The following TUB variants were observed in gnomAD, a reference collection of about 807,000 sequenced individuals.
TUB encodes tubby protein homolog.
Under a neutral mutation model 59.7 loss-of-function variants are expected in TUB, and 33 were observed. The ratio of observed to expected loss-of-function variants is 0.55; its 90% confidence interval spans 0.42 to 0.74. The LOEUF (loss-of-function observed/expected upper bound fraction) is 0.74, where lower values mean the gene tolerates loss of function less well. Among genes scored for constraint, TUB ranks in the 30% least tolerant of loss-of-function variants. The pLI, the probability that TUB is intolerant of heterozygous loss-of-function variation, is 0.00. For synonymous variants in TUB, 293 were observed against 256.4 expected (o/e 1.14, Z -1.36); for missense variants, 659 against 672.0 (o/e 0.98, Z 0.21).
intron 2 of TUB, among the ~76,000 whole-genome samples, chr11:8,061,629 G>C (rs1019302726): frequency 3.9e-5 from 6 of 152,054 alleles, no homozygotes; most frequent in African/African-American, 1.2e-4. Context: ...TTGCTAGTTT[G>C]CTCTGTGCCC....
Position 8,046,581 on chromosome 11 carries a change from C to T in TUB, c.203+6889C>T, listed in dbSNP as rs75731427. 2.9e-3 allele frequency among the ~76,000 whole-genome samples: 438 copies of T among 152,294 alleles called. 1 individual carries two copies. The highest frequency in any genetic ancestry group is 0.01 in the African/African-American group (428 of 41,562). ...AATAAAATCCTTTCAATTTCATATTCTTTGTTAGGCCCAAATCTGTGCATC... is the reference window on the plus strand; with the variant it reads ...AATAAAATCCTTTCAATTTCATATTTTTTGTTAGGCCCAAATCTGTGCATC... On this transcript the variant is annotated intron_variant, in intron 2 of 12. Coordinates refer to the TUB transcript ENST00000305253.
At chr11:8,039,006 A>G (rs1942695068) in exon 1 of TUB, 2 of 1,613,494 alleles carry the variant, frequency 1.2e-6, no homozygotes, top group South Asian at 1.1e-5. Flanking sequence ...TGGGCCCCTG[A>G]AACGGGGCCA....
At chr11:8,030,795 GC>G (rs1226248516) in intron 1 of TUB, among the ~76,000 whole-genome samples, 3 of 152,160 alleles carry the variant, frequency 2.0e-5, no homozygotes, top group African/African-American at 7.2e-5. Context: ...CAGGATAACA[GC>G]AGCCTAGGAT....
chr11:8,097,630 G>C, intron 7 of TUB, 84 bp from the exon 8 acceptor site: 1 of 1,355,364 alleles, frequency 7.4e-7, no homozygotes. Context: ...CTGACGCAAC[G>C]GAGAGAGTCT....
chr11:8,038,085 C>T (rs987496808), upstream of TUB, among the ~76,000 whole-genome samples: 3 of 152,196 alleles, frequency 2.0e-5, no homozygotes, highest in African/African-American at 7.2e-5. Context: ...GATGGTGCCT[C>T]AAGGGGCTGA....
Position 8,090,204 on chromosome 11 carries a change from A to G in TUB, c.226A>G (p.Ser76Gly). Residue 76 changes from serine to glycine, a missense_variant, in exon 3 of 12, where the codon AGC (serine) becomes GGC (glycine). Physicochemically the swap from Ser to Gly is moderately conservative, Grantham distance 56 (BLOSUM62 0). Around this residue, in one of 3 missense-constraint regions of TUB, gnomAD observed 321 missense variants for 304.3 expected, o/e 1.05. Coordinates refer to ENST00000299506, the MANE Select transcript of TUB (RefSeq NM_177972.3). ...EQAPLVESYLSSSGSTSYQVQ... is the reference protein window; with the variant it reads ...EQAPLVESYLGSSGSTSYQVQ... ...AGCCCCCCTGGTGGAGTCCTACCTC[A>G]GCAGCAGTGGCAGCACCAGCTACCA... 4.3e-6 allele frequency: 7 copies of G among 1,613,772 alleles called. No homozygotes were observed. Among genetic ancestry groups the G allele is most frequent in the African/African-American group, 4.0e-5 (3 of 75,062 alleles).
At chr11:8,041,311 C>A (rs535366792) in intron 2 of TUB, among the ~76,000 whole-genome samples, 12 of 152,302 alleles carry the variant, frequency 7.9e-5, no homozygotes, top group African/African-American at 2.6e-4. Flanking sequence ...ATGGTGCCAG[C>A]AAGCATGATG....
At chr11:8,055,743 A>G (rs1331678632) in intron 2 of TUB, among the ~76,000 whole-genome samples, 1 of 152,198 alleles carries the variant, frequency 6.6e-6, no homozygotes, top group Admixed American at 6.5e-5. Flanking sequence ...AGCCAATGAC[A>G]GTGTGTGCCT....
At chr11:8,092,984 T>C (rs550973725) in intron 3 of TUB, among the ~76,000 whole-genome samples, 122 of 152,276 alleles carry the variant, frequency 8.0e-4, no homozygotes, top group South Asian at 2.1e-3. Flanking sequence ...TAAATATTTA[T>C]TGAGGTTTGT....
intron 3 of TUB, among the ~76,000 whole-genome samples, chr11:8,093,411 T>C (rs1329632374): frequency 6.6e-6 from 1 of 152,182 alleles, no homozygotes; most frequent in Non-Finnish European, 1.5e-5. Context: ...GAGAGAATGT[T>C]GGTCTTCAGC....
At chr11:8,044,240 C>T (rs1260785652) in intron 2 of TUB, among the ~76,000 whole-genome samples, 1 of 152,122 alleles carries the variant, frequency 6.6e-6, no homozygotes, top group East Asian at 1.9e-4. Context: ...CAGAGTTTTT[C>T]ATTTTTCAGT....
At chr11:8,039,387 G>C (rs1022685373) in intron 1 of TUB, 8 of 453,636 alleles carry the variant, frequency 1.8e-5, no homozygotes, top group Non-Finnish European at 3.1e-5. Flanking sequence ...CCACCCCCCA[G>C]TGCTTCATTC....
intron 2 of TUB, among the ~76,000 whole-genome samples, chr11:8,052,330 A>T (rs1428946118): frequency 6.6e-6 from 1 of 152,218 alleles, no homozygotes; most frequent in East Asian, 1.9e-4. Flanking sequence ...TTTATCAAGG[A>T]TGTTAATATA....
At chr11:8,055,604 C>A (rs1943007533) in intron 2 of TUB, among the ~76,000 whole-genome samples, 1 of 152,226 alleles carries the variant, frequency 6.6e-6, no homozygotes, top group Non-Finnish European at 1.5e-5. Context: ...CAGACAGAGG[C>A]CCCTCACCCC....
intron 2 of TUB, among the ~76,000 whole-genome samples, chr11:8,057,955 G>T (rs11041725): frequency 6.6e-6 from 1 of 151,778 alleles, no homozygotes; most frequent in Non-Finnish European, 1.5e-5. Flanking sequence ...CTGGCCTGCC[G>T]CACCAGCACT....
rs979311536 is a variant in TUB, at chr11:8,105,411, G to C, written c.*3792G>C. On this transcript the variant is annotated 3_prime_UTR_variant, in exon 12 of 12. Coordinates refer to ENST00000299506, the MANE Select transcript of TUB (RefSeq NM_177972.3). ...GTAATAAGCCAAGGGCTAGGCTCTT[G>C]TTTGAGTTTATGGCCACCTGGAATT... The C allele has an allele frequency of 6.6e-6, 1 of 152,178 alleles. No homozygotes were observed. The highest frequency in any genetic ancestry group is 2.1e-4 in the South Asian group (1 of 4,812). The allele number at this position is 152,178 out of a possible 1,614,324, so 9.4% of individuals were successfully genotyped here.
intron 2 of TUB, among the ~76,000 whole-genome samples, chr11:8,042,989 TG>T (rs1252487472): frequency 6.6e-6 from 1 of 152,202 alleles, no homozygotes; most frequent in Non-Finnish European, 1.5e-5. Context: ...GTGCTTTTGG[TG>T]TCACATGTAA....
At chr11:8,069,610 A>G (rs193122463) in intron 2 of TUB, among the ~76,000 whole-genome samples, 1 of 151,972 alleles carries the variant, frequency 6.6e-6, no homozygotes, top group African/African-American at 2.4e-5. Context: ...TTATTTTCCT[A>G]TCTAATGGGA....
intron 2 of TUB, among the ~76,000 whole-genome samples, chr11:8,064,809 A>G (rs1345193998): frequency 6.6e-6 from 1 of 152,252 alleles, no homozygotes; most frequent in Non-Finnish European, 1.5e-5. Context: ...ACAGTAAGTC[A>G]GGGCAGACAT....
Sources: gnomAD v4.1 joint callset for allele counts (sites outside exome capture counted in the v4.1 genomes callset) on GRCh38, gnomAD v4.1.1 for gene constraint, gnomAD v4.1.1 regional missense constraint, MANE v1.5 for transcripts, NCBI Gene and HGNC (gene_info 2026-07-23, HGNC 2026-07-21) for gene names.